LINGO2: variants seen among roughly 807,000 people sequenced by gnomAD.
LINGO2 encodes the protein leucine-rich repeat and immunoglobulin-like domain-containing nogo receptor-interacting protein 2.
In LINGO2, 14 loss-of-function variants were observed where a neutral mutation model predicts 30.6. The ratio of observed to expected loss-of-function variants is 0.46; its 90% CI spans 0.30 to 0.72. The LOEUF is 0.72. LINGO2 is among the 30% of genes least tolerant of loss of function. LINGO2 has a pLI of 0.07. For missense variants in LINGO2, 729 were observed against 751.7 expected (o/e 0.97, Z 0.35); for synonymous variants, 317 against 288.5 (o/e 1.10, Z -1.00).
the LINGO2 span, among the ~76,000 whole-genome samples, chr9:29,017,307 A>G: frequency 6.6e-6 from 1 of 152,190 alleles, no homozygotes; most frequent in Non-Finnish European, 1.5e-5. Context: ...ACTCAAGCAC[A>G]TATATGTAAG....
At chr9:28,861,090 A>C in the LINGO2 span, among the ~76,000 whole-genome samples, 10 of 122,322 alleles carry the variant, frequency 8.2e-5, no homozygotes, top group East Asian at 2.1e-4. Flanking sequence ...TATAATATAA[A>C]TTATATAAAT....
chr9:28,528,593 C>A (rs1037441541), intron 1 of LINGO2, among the ~76,000 whole-genome samples: 8 of 152,090 alleles, frequency 5.3e-5, no homozygotes, highest in African/African-American at 1.9e-4. Flanking sequence ...TGTAAAAACA[C>A]TCCAGGATAT....
chr9:28,874,996 A>G, the LINGO2 span, among the ~76,000 whole-genome samples: 1 of 152,102 alleles, frequency 6.6e-6, no homozygotes, highest in Non-Finnish European at 1.5e-5. Context: ...CACCAAAAAC[A>G]TAGCAATCAT....
At chr9:28,296,566 G>A (rs1414625836) in intron 3 of LINGO2, among the ~76,000 whole-genome samples, 1 of 152,136 alleles carries the variant, frequency 6.6e-6, no homozygotes. Flanking sequence ...TCAGTGTGGA[G>A]ACTTTGTTAA....
chr9:28,554,476 C>A (rs922811773), intron 1 of LINGO2, among the ~76,000 whole-genome samples: 3 of 147,324 alleles, frequency 2.0e-5, no homozygotes, highest in Non-Finnish European at 4.5e-5. Flanking sequence ...GCACCCAATA[C>A]AGGAGCACCC....
intron 1 of LINGO2, among the ~76,000 whole-genome samples, chr9:28,633,838 G>T (rs1827116835): frequency 6.6e-6 from 1 of 152,194 alleles, no homozygotes; most frequent in South Asian, 2.1e-4. Flanking sequence ...ACAATGCGTA[G>T]TCAATGAATA....
chr9:28,194,619 T>A, intron 4 of LINGO2, among the ~76,000 whole-genome samples: 1 of 139,094 alleles, frequency 7.2e-6, no homozygotes, highest in Non-Finnish European at 1.6e-5. Context: ...GCTTTCAAAA[T>A]GCATAAAAAA....
chr9:28,225,478 C>T (rs1044902713), intron 4 of LINGO2, among the ~76,000 whole-genome samples: 1 of 151,936 alleles, frequency 6.6e-6, no homozygotes, highest in South Asian at 2.1e-4. Flanking sequence ...TAAAAAAATT[C>T]TTCCTAAACA....
At chr9:28,276,540 A>G (rs771279363) in intron 4 of LINGO2, among the ~76,000 whole-genome samples, 38 of 152,188 alleles carry the variant, frequency 2.5e-4, no homozygotes, top group Non-Finnish European at 4.9e-4. Context: ...AGCATGGACT[A>G]AAAAATATGT....
At chr9:28,572,505 A>G (rs1314067775) in intron 1 of LINGO2, among the ~76,000 whole-genome samples, 1 of 152,122 alleles carries the variant, frequency 6.6e-6, no homozygotes, top group Admixed American at 6.6e-5. Context: ...TCTGTGAAGC[A>G]TAACAACAAG....
At chr9:28,010,798 A>C (rs1251206458) in intron 5 of LINGO2, among the ~76,000 whole-genome samples, 3 of 152,160 alleles carry the variant, frequency 2.0e-5, no homozygotes, top group Non-Finnish European at 4.4e-5. Flanking sequence ...CCAAAAAGAA[A>C]TTAAAAAATT....
At chr9:28,290,890 C>T (rs1031527537) in intron 4 of LINGO2, among the ~76,000 whole-genome samples, 12 of 152,058 alleles carry the variant, frequency 7.9e-5, no homozygotes, top group South Asian at 6.2e-4. Context: ...ACTACTGGGT[C>T]GGTTTCAAAA....
At chr9:28,684,954 G>C in the LINGO2 span, among the ~76,000 whole-genome samples, 1 of 152,124 alleles carries the variant, frequency 6.6e-6, no homozygotes, top group Non-Finnish European at 1.5e-5. Flanking sequence ...ACACGTGATA[G>C]GTGATTTTTT....
chr9:28,277,809 C>G (rs1195350756), intron 4 of LINGO2, among the ~76,000 whole-genome samples: 1 of 148,340 alleles, frequency 6.7e-6, no homozygotes, highest in Admixed American at 6.7e-5. Context: ...GAGTGAAACT[C>G]CATCTCAAAA....
chr9:28,626,151 C>T (rs1271027477), intron 1 of LINGO2, among the ~76,000 whole-genome samples: 1 of 152,130 alleles, frequency 6.6e-6, no homozygotes, highest in African/African-American at 2.4e-5. Flanking sequence ...CTGTCTTTAA[C>T]TCTCACTGCC....
At chr9:28,985,642 T>C in the LINGO2 span, among the ~76,000 whole-genome samples, 4 of 152,112 alleles carry the variant, frequency 2.6e-5, no homozygotes, top group Non-Finnish European at 1.5e-5. Context: ...CATATATATG[T>C]TGGACATTTG....
chr9:28,433,675 G>C (rs1177238240), intron 2 of LINGO2, among the ~76,000 whole-genome samples: 1 of 152,070 alleles, frequency 6.6e-6, no homozygotes, highest in Non-Finnish European at 1.5e-5. Flanking sequence ...TACACTGCTT[G>C]TGGGAATGTA....
At chr9:28,302,832 A>T (rs1046485529) in intron 3 of LINGO2, among the ~76,000 whole-genome samples, 1 of 152,164 alleles carries the variant, frequency 6.6e-6, no homozygotes, top group Non-Finnish European at 1.5e-5. Context: ...ACATGTTCTC[A>T]TTTAATCTTC....
chr9:28,465,096 A>C (rs1290340879), intron 2 of LINGO2, among the ~76,000 whole-genome samples: 1 of 152,176 alleles, frequency 6.6e-6, no homozygotes, highest in Non-Finnish European at 1.5e-5. Flanking sequence ...TGAGTGTTAC[A>C]GTGTACTCTT....
Sources: allele counts gnomAD v4.1 joint callset (sites outside exome capture counted in the v4.1 genomes callset), GRCh38; gene constraint gnomAD v4.1.1; transcripts MANE v1.5; gene names NCBI Gene and HGNC (gene_info 2026-07-23, HGNC 2026-07-21).